The following DUSP10 variants were observed in gnomAD, a reference collection of about 807,000 sequenced individuals.
The protein encoded by DUSP10 is dual specificity protein phosphatase 10.
Under a neutral mutation model 30.8 loss-of-function variants are expected in DUSP10, and 14 were observed. The ratio of observed to expected loss-of-function variants is 0.46; its 90% CI spans 0.30 to 0.71. The LOEUF is 0.71. DUSP10 is among the 30% of genes least tolerant of loss of function. The probability of loss-of-function intolerance (pLI) is 0.08; values close to 1 mark genes in which losing one functional copy is unlikely to be tolerated. For missense variants in DUSP10, 550 were observed against 619.4 expected (o/e 0.89, Z 1.19); for synonymous variants, 254 against 250.4 (o/e 1.01, Z -0.14).
At chr1:221,738,021 G>C (rs990190253) in intron 2 of DUSP10, among the ~76,000 whole-genome samples, 3 of 152,222 alleles carry the variant, frequency 2.0e-5, no homozygotes, top group Non-Finnish European at 4.4e-5. Context: ...TGCCGAATGA[G>C]AGTGATGTAC....
intron 2 of DUSP10, among the ~76,000 whole-genome samples, chr1:221,723,130 C>T (rs2102636443): frequency 6.6e-6 from 1 of 152,244 alleles, no homozygotes; most frequent in South Asian, 2.1e-4. Context: ...TGTTTGTCAC[C>T]ACCGCTAACA....
chr1:221,739,868 CT>C, intron 1 of DUSP10, 81 bp from the exon 2 acceptor site: 1 of 1,388,542 alleles, frequency 7.2e-7, no homozygotes, highest in Non-Finnish European at 9.5e-7. Context: ...TGGGAAAGAC[CT>C]TTGCATCCCT....
Position 221,727,483 on chromosome 1 carries a change from G to A in DUSP10, c.811+11451C>T, listed in dbSNP as rs189608074. On this transcript the variant is annotated intron_variant, in intron 2 of 3. Coordinates refer to ENST00000366899, the MANE Select transcript of DUSP10 (RefSeq NM_007207.6). ...AGTTTCTATGTCTGTAAAATGGGAT[G>A]GTTAGATCAAATGCTTGATAACATC... Among the ~76,000 whole-genome samples the A allele has an allele frequency of 2.0e-5, 3 of 152,294 alleles. 1 individual carries two copies. The South Asian group carries it at 6.2e-4, about 32-fold the overall frequency.
intron 3 of DUSP10, among the ~76,000 whole-genome samples, chr1:221,705,573 G>A (rs1055563061): frequency 3.3e-5 from 5 of 152,164 alleles, no homozygotes; most frequent in African/African-American, 9.7e-5. Flanking sequence ...CTAGTTCAAT[G>A]AGTTTGGGGC....
rs1372646560 is a variant in DUSP10, at chr1:221,709,471, T to A, written c.812-3005A>T. On this transcript the variant is annotated intron_variant, in intron 2 of 3. Transcript: ENST00000366899. ...TTATAATATTTGGAGGTGGGAGGGGTGGGGGTGGAGAGAAAAGGAGATATT... is the reference window on the plus strand; with the variant it reads ...TTATAATATTTGGAGGTGGGAGGGGAGGGGGTGGAGAGAAAAGGAGATATT... Among the ~76,000 whole-genome samples the A allele has an allele frequency of 5.5e-4, 25 of 45,712 alleles. No homozygotes were observed. The Admixed American group carries it at 6.4e-3, about 12-fold the overall frequency. 30.0% of individuals were successfully genotyped at this position (45,712 alleles called of 152,430 possible).
intron 2 of DUSP10, among the ~76,000 whole-genome samples, chr1:221,738,131 G>A (rs1317580673): frequency 6.6e-6 from 1 of 152,226 alleles, no homozygotes; most frequent in Non-Finnish European, 1.5e-5. Context: ...TATGGAAGGT[G>A]CTCCGAGAAG....
At chr1:221,716,954 G>T (rs1472510916) in intron 2 of DUSP10, among the ~76,000 whole-genome samples, 1 of 152,136 alleles carries the variant, frequency 6.6e-6, no homozygotes, top group Non-Finnish European at 1.5e-5. Context: ...AACATTCTGG[G>T]AGTTGAGGAG....
At chr1:221,732,711 C>T (rs139988439) in intron 2 of DUSP10, among the ~76,000 whole-genome samples, 17 of 152,116 alleles carry the variant, frequency 1.1e-4, no homozygotes, top group Admixed American at 5.2e-4. Flanking sequence ...ATGAGAATAC[C>T]GGACTAGATC....
rs896172699 is a variant in DUSP10, at chr1:221,705,921, C to T, written c.1183+174G>A. Among the ~76,000 whole-genome samples, 14 of 152,286 alleles carry T rather than the reference C, an allele frequency of 9.2e-5. No individual in the cohort carries two copies. In the East Asian group the frequency reaches 1.7e-3, roughly 19 times the overall value. Reference sequence around the variant, plus strand: ...TCCATCCTGATGGCTTGGATACACTCGACAGGCTATGACTTAGGAGAATGC... The same window carrying T: ...TCCATCCTGATGGCTTGGATACACTTGACAGGCTATGACTTAGGAGAATGC... On this transcript the variant is annotated intron_variant, in intron 3 of 3. Transcript: ENST00000366899.
At chr1:221,723,183 C>A (rs12724393) in intron 2 of DUSP10, among the ~76,000 whole-genome samples, 3 of 151,920 alleles carry the variant, frequency 2.0e-5, no homozygotes, top group East Asian at 1.9e-4. Flanking sequence ...AGATTACAGC[C>A]TGAAGGGTTT....
intron 2 of DUSP10, among the ~76,000 whole-genome samples, chr1:221,727,745 CTTTTAT>C (rs1432979132): frequency 6.6e-6 from 1 of 152,122 alleles, no homozygotes; most frequent in African/African-American, 2.4e-5. Context: ...AAATTGATTA[CTTTTAT>C]ATTTCAGAAT....
chr1:221,726,831 G>T (rs1257816594), intron 2 of DUSP10, among the ~76,000 whole-genome samples: 1 of 152,002 alleles, frequency 6.6e-6, no homozygotes, highest in Non-Finnish European at 1.5e-5. Flanking sequence ...CTGCATTAGT[G>T]GTGACATCAA....
intron 2 of DUSP10, among the ~76,000 whole-genome samples, chr1:221,732,348 T>C (rs1474344703): frequency 6.6e-6 from 1 of 152,162 alleles, no homozygotes; most frequent in East Asian, 1.9e-4. Context: ...ACCACTAGGT[T>C]CCCCAGATGA....
chr1:221,707,015 T>C (rs1660791003), intron 2 of DUSP10, among the ~76,000 whole-genome samples: 1 of 152,218 alleles, frequency 6.6e-6, no homozygotes, highest in South Asian at 2.1e-4. Flanking sequence ...ATAATCTGGG[T>C]ACCATCATTT....
chr1:221,714,011 T>C (rs932582456), intron 2 of DUSP10, among the ~76,000 whole-genome samples: 1 of 152,222 alleles, frequency 6.6e-6, no homozygotes, highest in Admixed American at 6.5e-5. Flanking sequence ...ATAAAAGTTG[T>C]TCATTTTTAT....
intron 2 of DUSP10, among the ~76,000 whole-genome samples, chr1:221,710,642 C>T (rs971590654): frequency 9.9e-5 from 15 of 152,088 alleles, no homozygotes; most frequent in Admixed American, 3.3e-4. Flanking sequence ...CCAAGGTATC[C>T]GAGCAGTTTT....
At chr1:221,722,998 A>G (rs530614677) in intron 2 of DUSP10, among the ~76,000 whole-genome samples, 1 of 152,332 alleles carries the variant, frequency 6.6e-6, no homozygotes, top group South Asian at 2.1e-4. Flanking sequence ...TGATTAAAAA[A>G]CACAACAAAA....
intron 2 of DUSP10, among the ~76,000 whole-genome samples, chr1:221,733,804 A>G (rs1661685933): frequency 6.6e-6 from 1 of 152,258 alleles, no homozygotes. Flanking sequence ...ACCCAGGTGT[A>G]AGTGAGCAAA....
At chr1:221,730,809 T>C (rs1661568925) in intron 2 of DUSP10, among the ~76,000 whole-genome samples, 1 of 151,986 alleles carries the variant, frequency 6.6e-6, no homozygotes, top group Admixed American at 6.5e-5. Flanking sequence ...GAAAAAAAAT[T>C]ACATATATCT....
Sources: allele counts gnomAD v4.1 joint callset (sites outside exome capture counted in the v4.1 genomes callset), GRCh38; gene constraint gnomAD v4.1.1; transcripts MANE v1.5; gene names NCBI Gene and HGNC (gene_info 2026-07-23, HGNC 2026-07-21).